Variants in EDIL3 observed in about 807,000 individuals in gnomAD.
EDIL3 encodes EGF like and discoidin domains 3.
Under a neutral mutation model 67.4 loss-of-function variants are expected in EDIL3, and 37 were observed. That is an observed-to-expected ratio of 0.55 (90% CI 0.42 to 0.72). The LOEUF is 0.72. EDIL3 is among the 30% of genes least tolerant of loss of function. The pLI is 0.00. For missense variants in EDIL3, 527 were observed against 586.3 expected, an observed-to-expected ratio of 0.90 and a Z score of 1.04; for synonymous variants, 195 against 196.3, an observed-to-expected ratio of 0.99 and a Z score of 0.05.
At chr5:84,365,238 C>A (rs904089103) in intron 1 of EDIL3, among the ~76,000 whole-genome samples, 1 of 152,030 alleles carries the variant, frequency 6.6e-6, no homozygotes, top group Non-Finnish European at 1.5e-5. Flanking sequence ...AAACAACCAG[C>A]CATGAACTAG....
chr5:83,987,453 G>C (rs1745074466), intron 9 of EDIL3, among the ~76,000 whole-genome samples: 1 of 152,100 alleles, frequency 6.6e-6, no homozygotes, highest in Admixed American at 6.6e-5. Context: ...GGTGACATTA[G>C]TATGCTGACT....
chr5:84,015,451 T>C (rs16900819), intron 9 of EDIL3, among the ~76,000 whole-genome samples: 2,874 of 152,244 alleles, frequency 0.019, 84 homozygotes, highest in African/African-American at 0.065. Context: ...TGCTTTATCA[T>C]TTTTCAAAGA....
chr5:84,027,953 TG>T (rs1210476132), intron 9 of EDIL3, among the ~76,000 whole-genome samples: 1 of 152,196 alleles, frequency 6.6e-6, no homozygotes, highest in African/African-American at 2.4e-5. Flanking sequence ...TACTCTTTCC[TG>T]AACTGTGGAC....
chr5:84,183,677 C>G (rs977486555), intron 3 of EDIL3, among the ~76,000 whole-genome samples: 1 of 152,198 alleles, frequency 6.6e-6, no homozygotes, highest in Admixed American at 6.5e-5. Flanking sequence ...TAAGAAATTA[C>G]CGAAGAGAGT....
chr5:83,974,655 G>A (rs1017411032), intron 9 of EDIL3, among the ~76,000 whole-genome samples: 1 of 151,874 alleles, frequency 6.6e-6, no homozygotes, highest in Non-Finnish European at 1.5e-5. Flanking sequence ...CAGCATTTCA[G>A]TCACCATAAA....
intron 3 of EDIL3, among the ~76,000 whole-genome samples, chr5:84,223,209 C>A (rs1242605368): frequency 6.6e-6 from 1 of 151,632 alleles, no homozygotes; most frequent in Non-Finnish European, 1.5e-5. Flanking sequence ...TAATCTGGTG[C>A]AGCCATTATG....
intron 3 of EDIL3, among the ~76,000 whole-genome samples, chr5:84,199,922 T>A (rs956419732): frequency 2.0e-5 from 3 of 152,036 alleles, no homozygotes; most frequent in African/African-American, 7.2e-5. Context: ...ATAGCCAAAC[T>A]GAGAGCAACT....
intron 4 of EDIL3, among the ~76,000 whole-genome samples, chr5:84,159,654 T>A (rs1748568367): frequency 6.6e-6 from 1 of 151,958 alleles, no homozygotes; most frequent in Non-Finnish European, 1.5e-5. Flanking sequence ...AATGAATAAT[T>A]ATGTTCATAA....
chr5:84,191,168 T>G (rs963535048), intron 3 of EDIL3, among the ~76,000 whole-genome samples: 4 of 152,062 alleles, frequency 2.6e-5, no homozygotes, highest in Admixed American at 6.6e-5. Flanking sequence ...TTTTGGATAA[T>G]TTTATAATTA....
At chr5:84,120,374 C>T (rs1183689245) in intron 5 of EDIL3, among the ~76,000 whole-genome samples, 1 of 152,016 alleles carries the variant, frequency 6.6e-6, no homozygotes, top group African/African-American at 2.4e-5. Flanking sequence ...TCAGCATTGC[C>T]TAGCACTTGG....
intron 5 of EDIL3, among the ~76,000 whole-genome samples, chr5:84,119,148 T>G (rs531237056): frequency 2.0e-5 from 3 of 151,174 alleles, no homozygotes; most frequent in African/African-American, 7.3e-5. Flanking sequence ...TGACCTCTTT[T>G]ACTACCTGGA....
At chr5:83,989,713 C>A (rs531768499) in intron 9 of EDIL3, among the ~76,000 whole-genome samples, 1 of 152,176 alleles carries the variant, frequency 6.6e-6, no homozygotes, top group Non-Finnish European at 1.5e-5. Flanking sequence ...CTTGTATATT[C>A]GCCTTTCCTG....
At position 84,154,481 on chromosome 5, in the gene EDIL3, A is replaced by T. The variant is rs183499186; in HGVS notation, c.356-17127T>A. ...TTTATGGAGGCTGTTCTAGCATTAC[A>T]GTCAAATGGACTTCCTTCTGATGCA... On this transcript the variant is annotated intron_variant, in intron 4 of 10. Coordinates refer to ENST00000296591, the MANE Select transcript of EDIL3 (RefSeq NM_005711.5). Among the ~76,000 whole-genome samples, 16 of 152,248 alleles carry T rather than the reference A, an allele frequency of 1.1e-4. No homozygotes were observed. The East Asian group carries it at 3.1e-3, about 30-fold the overall frequency.
chr5:84,311,322 TTC>T (rs1491045629), intron 1 of EDIL3, among the ~76,000 whole-genome samples: 1,627 of 146,182 alleles, frequency 0.011, 44 homozygotes, highest in Non-Finnish European at 0.018. Flanking sequence ...CTTTTTTTTT[TTC>T]TTTTTTTTTT....
intron 3 of EDIL3, among the ~76,000 whole-genome samples, chr5:84,213,954 T>C (rs1383933164): frequency 1.3e-5 from 2 of 152,140 alleles, no homozygotes; most frequent in African/African-American, 4.8e-5. Context: ...ACCTCAAACT[T>C]AGGAAGCCAA....
intron 1 of EDIL3, among the ~76,000 whole-genome samples, chr5:84,292,542 C>A (rs1745944363): frequency 6.6e-6 from 1 of 152,032 alleles, no homozygotes; most frequent in Non-Finnish European, 1.5e-5. Context: ...TACAAACTCT[C>A]AATGGCAGAA....
chr5:84,368,360 G>A (rs1054594310), intron 1 of EDIL3, among the ~76,000 whole-genome samples: 10 of 152,226 alleles, frequency 6.6e-5, no homozygotes, highest in East Asian at 1.9e-4. Context: ...AAAGCCATTC[G>A]ATATGGATTG....
At chr5:84,067,228 C>A (rs1462975715) in intron 6 of EDIL3, among the ~76,000 whole-genome samples, 2 of 152,034 alleles carry the variant, frequency 1.3e-5, no homozygotes, top group African/African-American at 4.8e-5. Flanking sequence ...AAATTTCTAA[C>A]TGGAATTTTC....
chr5:84,058,534 T>G (rs929589869), intron 9 of EDIL3, among the ~76,000 whole-genome samples: 1 of 152,092 alleles, frequency 6.6e-6, no homozygotes, highest in Non-Finnish European at 1.5e-5. Flanking sequence ...TTTCAGATAT[T>G]TGAGTCATTT....
Sources: gnomAD v4.1 joint callset for allele counts (sites outside exome capture counted in the v4.1 genomes callset) on GRCh38, gnomAD v4.1.1 for gene constraint, MANE v1.5 for transcripts, NCBI Gene and HGNC (gene_info 2026-07-23, HGNC 2026-07-21) for gene names.